Variants in SLC4A5 observed in about 807,000 individuals in gnomAD.
The protein encoded by SLC4A5 is solute carrier family 4 member 5, also known as electrogenic sodium bicarbonate cotransporter 4.
SLC4A5 carries 96 observed loss-of-function variants against 120.4 expected under a neutral mutation model. That is an observed-to-expected ratio of 0.80 (90% CI 0.68 to 0.94). The LOEUF (loss-of-function observed/expected upper bound fraction) is 0.94, where lower values mean the gene tolerates loss of function less well. Ranked by LOEUF, SLC4A5 falls within the 40% of genes least tolerant of loss-of-function variation. The probability of loss-of-function intolerance (pLI) is 0.00; values close to 1 mark genes in which losing one functional copy is unlikely to be tolerated. For synonymous variants in SLC4A5, 550 were observed against 571.1 expected, an observed-to-expected ratio of 0.96 and a Z score of 0.53; for missense variants, 1,259 against 1,459.5, an observed-to-expected ratio of 0.86 and a Z score of 2.24.
chr2:74,298,067 T>C (rs936753138), intron 7 of SLC4A5, among the ~76,000 whole-genome samples: 7 of 152,222 alleles, frequency 4.6e-5, no homozygotes, highest in Non-Finnish European at 7.3e-5. Flanking sequence ...TTATGCTACA[T>C]CTCTTTGAAT....
At chr2:74,310,346 C>T (rs1021869767) in intron 6 of SLC4A5, among the ~76,000 whole-genome samples, 2 of 152,120 alleles carry the variant, frequency 1.3e-5, no homozygotes, top group East Asian at 3.8e-4. Flanking sequence ...TTGAAAAGGG[C>T]TGGTGAAAGG....
intron 8 of SLC4A5, among the ~76,000 whole-genome samples, chr2:74,278,712 A>G (rs575796643): frequency 6.6e-6 from 1 of 152,344 alleles, no homozygotes; most frequent in African/African-American, 2.4e-5. Context: ...GGAAGGACCA[A>G]GTTAGATACT....
At chr2:74,241,753 A>C (rs1416536583) in intron 20 of SLC4A5, among the ~76,000 whole-genome samples, 3 of 151,584 alleles carry the variant, frequency 2.0e-5, no homozygotes, top group Admixed American at 1.3e-4. Context: ...AAAAAAAAAA[A>C]AAAACGCACA....
intron 16 of SLC4A5, chr2:74,250,771 C>A: frequency 2.3e-6 from 1 of 439,622 alleles, no homozygotes. Context: ...GGGAATATGT[C>A]CTGGGGTAGA....
chr2:74,311,283 T>A (rs1358262159), intron 6 of SLC4A5, among the ~76,000 whole-genome samples: 1 of 152,168 alleles, frequency 6.6e-6, no homozygotes, highest in Non-Finnish European at 1.5e-5. Flanking sequence ...TATTGTTTCC[T>A]ATTTCTAATT....
chr2:74,273,480 A>C (rs1671539402), intron 8 of SLC4A5, among the ~76,000 whole-genome samples: 1 of 152,132 alleles, frequency 6.6e-6, no homozygotes, highest in Non-Finnish European at 1.5e-5. Context: ...TGGTCACTCT[A>C]TCTATGTGGC....
At chr2:74,290,102 G>C (rs1222226728) in intron 7 of SLC4A5, 2 of 976,066 alleles carry the variant, frequency 2.0e-6, no homozygotes, top group African/African-American at 3.5e-5. Context: ...GCTACTCCTT[G>C]GGCCCCTGTG....
chr2:74,281,028 A>G (rs923992740), intron 8 of SLC4A5, among the ~76,000 whole-genome samples: 1 of 152,152 alleles, frequency 6.6e-6, no homozygotes, highest in Non-Finnish European at 1.5e-5. Context: ...GTTGAAACAG[A>G]TAGTTCAGCT....
At chr2:74,301,025 T>C (rs13386546) in intron 7 of SLC4A5, among the ~76,000 whole-genome samples, 5,832 of 152,224 alleles carry the variant, frequency 0.038, 382 homozygotes, top group African/African-American at 0.13. Flanking sequence ...TGGAACTTAA[T>C]AGAAAAGTAC....
intron 16 of SLC4A5, among the ~76,000 whole-genome samples, 172 bp downstream of exon 16, chr2:74,252,007 A>C (rs1245114987): frequency 6.6e-6 from 1 of 152,114 alleles, no homozygotes; most frequent in African/African-American, 2.4e-5. Context: ...CCCTCTCCTG[A>C]GGCAACCTTT....
chr2:74,321,170 C>T (rs1456775454), intron 5 of SLC4A5, among the ~76,000 whole-genome samples: 5 of 152,148 alleles, frequency 3.3e-5, no homozygotes, highest in Admixed American at 2.0e-4. Context: ...GTATAAAACA[C>T]CTGTGGAGGA....
chr2:74,287,131 G>T (rs1339231035), intron 7 of SLC4A5, among the ~76,000 whole-genome samples: 1 of 152,146 alleles, frequency 6.6e-6, no homozygotes, highest in South Asian at 2.1e-4. Context: ...CCTCCAGCCT[G>T]TTTCCTCAGT....
exon 21 of SLC4A5, chr2:74,239,450 T>C (rs938995596): frequency 4.3e-6 from 7 of 1,613,890 alleles, no homozygotes; most frequent in Non-Finnish European, 5.1e-6. Context: ...CTTGCAGGAA[T>C]TCCCAAGCAG....
At chr2:74,235,202 C>T in exon 22 of SLC4A5, 2 of 1,613,834 alleles carry the variant, frequency 1.2e-6, no homozygotes, top group Non-Finnish European at 1.7e-6. Flanking sequence ...AAGTCAGCCA[C>T]CAGGGCCCGG....
chr2:74,327,933 A>G (rs1025661892), intron 5 of SLC4A5, among the ~76,000 whole-genome samples, 187 bp downstream of exon 5: 52 of 152,234 alleles, frequency 3.4e-4, no homozygotes, highest in African/African-American at 1.3e-3. Flanking sequence ...TAAAAACAGT[A>G]TAATTTTTAA....
At chr2:74,280,230 C>G (rs1485242288) in intron 8 of SLC4A5, among the ~76,000 whole-genome samples, 1 of 152,076 alleles carries the variant, frequency 6.6e-6, no homozygotes, top group African/African-American at 2.4e-5. Context: ...GAGGCCTCTT[C>G]CCCCTTCCCT....
At chr2:74,234,917 C>A (rs559048432) in intron 22 of SLC4A5, among the ~76,000 whole-genome samples, 184 bp downstream of exon 22, 1 of 152,286 alleles carries the variant, frequency 6.6e-6, no homozygotes, top group Non-Finnish European at 1.5e-5. Context: ...GAATATGTTA[C>A]CCCTCCCCGC....
chr2:74,284,878 G>T (rs1173456747), intron 8 of SLC4A5, among the ~76,000 whole-genome samples: 1 of 152,084 alleles, frequency 6.6e-6, no homozygotes, highest in East Asian at 1.9e-4. Context: ...CAACTCTGCA[G>T]CCCCAAACTC....
chr2:74,224,860 G>A (rs1397804480), exon 28 of SLC4A5: 3 of 1,612,474 alleles, frequency 1.9e-6, no homozygotes, highest in Non-Finnish European at 2.5e-6. Flanking sequence ...CAGTCCTCGT[G>A]GGCCCCTTTT....
Sources: allele counts gnomAD v4.1 joint callset (sites outside exome capture counted in the v4.1 genomes callset), GRCh38; gene constraint gnomAD v4.1.1; transcripts MANE v1.5; gene names NCBI Gene and HGNC (gene_info 2026-07-23, HGNC 2026-07-21).